Variants in SYT14 observed in about 807,000 individuals in gnomAD.
The protein encoded by SYT14 is synaptotagmin 14.
A neutral mutation model predicts 74.2 loss-of-function variants in SYT14; 32 were observed. That is an observed-to-expected ratio of 0.43 (90% confidence interval 0.33 to 0.58). The LOEUF is 0.58. SYT14 is among the 20% of genes least tolerant of loss of function. The pLI is 0.05. For missense variants in SYT14, 791 were observed against 981.8 expected (o/e 0.81, Z 2.60); for synonymous variants, 298 against 337.7 (o/e 0.88, Z 1.29).
At chr1:210,056,321 C>G (rs1343302968) in intron 5 of SYT14, among the ~76,000 whole-genome samples, 1 of 151,756 alleles carries the variant, frequency 6.6e-6, no homozygotes, top group African/African-American at 2.4e-5. Flanking sequence ...CCTCACCCCC[C>G]ACCAAAAAAA....
intron 5 of SYT14, among the ~76,000 whole-genome samples, chr1:210,068,139 A>G (rs1202303256): frequency 2.0e-5 from 3 of 151,874 alleles, no homozygotes; most frequent in Non-Finnish European, 4.4e-5. Flanking sequence ...CTAAAATGAT[A>G]ATCATTAATT....
chr1:210,065,264 G>A (rs777685088), intron 5 of SYT14, among the ~76,000 whole-genome samples: 3 of 152,064 alleles, frequency 2.0e-5, no homozygotes, highest in Non-Finnish European at 2.9e-5. Context: ...ATCCCCACAT[G>A]TCATGGGAGG....
chr1:210,068,762 G>A (rs1458497657), intron 5 of SYT14, among the ~76,000 whole-genome samples: 1 of 151,128 alleles, frequency 6.6e-6, no homozygotes, highest in Non-Finnish European at 1.5e-5. Flanking sequence ...GAAACATTTT[G>A]GTTTTGTTAA....
chr1:210,079,260 T>C (rs546531154), intron 5 of SYT14, among the ~76,000 whole-genome samples: 1 of 152,244 alleles, frequency 6.6e-6, no homozygotes, highest in Non-Finnish European at 1.5e-5. Flanking sequence ...TAGGGTACTA[T>C]GTTCACTATT....
In SYT14 at chr1:210,171,230, TAAC is replaced by T. The variant is rs373591810; in HGVS notation, c.*10191_*10193del. The T allele has an allele frequency of 2.0e-4, 31 of 152,314 alleles. No individual in the cohort carries two copies. The East Asian group carries it at 4.4e-3, about 22-fold the overall frequency. The allele number at this position is 152,314 out of a possible 1,614,324, so 9.4% of individuals were successfully genotyped here. ...CAACAAAGATTTATAACAACAGACT[TAAC>T]AAGTACTATTTTGCATATGAAAAAG... On this transcript the variant is annotated 3_prime_UTR_variant, in exon 10 of 10. Transcript: ENST00000637265.
intron 7 of SYT14, among the ~76,000 whole-genome samples, chr1:210,154,595 G>A (rs12130989): frequency 0.13 from 19,389 of 151,480 alleles, 1,599 homozygotes; most frequent in East Asian, 0.2. Context: ...ATTGTTATTC[G>A]TCCCTTTTTT....
At chr1:210,073,652 T>C (rs1279306868) in intron 5 of SYT14, among the ~76,000 whole-genome samples, 2 of 152,112 alleles carry the variant, frequency 1.3e-5, no homozygotes, top group African/African-American at 2.4e-5. Context: ...ATAGTCCATG[T>C]ATGTTTTACA....
chr1:210,116,830 T>C (rs1009298850), intron 7 of SYT14, among the ~76,000 whole-genome samples: 6 of 152,206 alleles, frequency 3.9e-5, no homozygotes, highest in African/African-American at 1.2e-4. Context: ...TGAACACTTA[T>C]TAAATTTATT....
exon 7 of SYT14, chr1:210,100,457 A>G: frequency 5.0e-6 from 8 of 1,612,602 alleles, no homozygotes; most frequent in Middle Eastern, 1.7e-4. Context: ...TCTTACAATC[A>G]TTCTGTGAGT....
chr1:210,165,355 TTTC>T (rs1487833443), exon 10 of SYT14: 1 of 152,174 alleles, frequency 6.6e-6, no homozygotes, highest in Non-Finnish European at 1.5e-5. Context: ...AGAAATTTTT[TTTC>T]TTCTCAGGAC....
At chr1:210,078,116 C>T (rs1413017593) in intron 5 of SYT14, among the ~76,000 whole-genome samples, 2 of 151,874 alleles carry the variant, frequency 1.3e-5, no homozygotes, top group Non-Finnish European at 2.9e-5. Flanking sequence ...CGAGACCATC[C>T]TGGCTAACAC....
exon 10 of SYT14, chr1:210,169,091 C>CT (rs1366496394): frequency 4.0e-5 from 6 of 151,896 alleles, no homozygotes; most frequent in Non-Finnish European, 5.9e-5. Context: ...AGGAAGCCTT[C>CT]TTTTAAAAAC....
At position 209,940,284 on chromosome 1, in the gene SYT14, G is replaced by A. The variant is rs1262459454; in HGVS notation, c.-534+2007G>A. Among the ~76,000 whole-genome samples, 7 of 152,156 alleles carry A rather than the reference G, an allele frequency of 4.6e-5. No individual in the cohort carries two copies. The South Asian group carries it at 1.2e-3, about 27-fold the overall frequency. ...TACTAAGGACATCTTAAAAATTTAG[G>A]GGCCCAAAAGGGCGTCTCATCTTTT... On this transcript the variant is annotated intron_variant, in intron 1 of 9. Transcript: ENST00000637265.
intron 5 of SYT14, among the ~76,000 whole-genome samples, chr1:210,078,470 T>A (rs2081555204): frequency 6.6e-6 from 1 of 152,078 alleles, no homozygotes; most frequent in South Asian, 2.1e-4. Flanking sequence ...TGACAAATAT[T>A]TAGGAAAAAC....
rs148568364 is a variant in SYT14, at chr1:210,049,057, C to T, written c.1312+27803C>T. ...TGGGTTCCTGTGGTTTTGGGCATCT[C>T]CGCCCCTGTGGCTCTGCAGGGTACA... On this transcript the variant is annotated intron_variant, in intron 5 of 9. Transcript: ENST00000637265. 2.4e-3 allele frequency among the ~76,000 whole-genome samples: 372 copies of T among 152,364 alleles called. 1 individual carries two copies. Among genetic ancestry groups the T allele is most frequent in the African/African-American group, 5.4e-3 (226 of 41,588 alleles).
chr1:210,030,937 G>C (rs963749057), intron 5 of SYT14, among the ~76,000 whole-genome samples: 1 of 151,082 alleles, frequency 6.6e-6, no homozygotes, highest in African/African-American at 2.4e-5. Flanking sequence ...GTTTTGTTTT[G>C]TTTTGTTGAG....
At chr1:209,987,484 G>C (rs533547673) in intron 2 of SYT14, among the ~76,000 whole-genome samples, 1 of 152,188 alleles carries the variant, frequency 6.6e-6, no homozygotes, top group African/African-American at 2.4e-5. Flanking sequence ...GAGAATGTGG[G>C]TGAGGTGCTA....
exon 10 of SYT14, chr1:210,164,213 T>C (rs1558235769): frequency 3.1e-6 from 1 of 325,508 alleles, no homozygotes; most frequent in Non-Finnish European, 6.1e-6. Flanking sequence ...ATTTGCATAT[T>C]ATCTTACTGT....
chr1:209,958,220 A>G (rs765681818), intron 2 of SYT14, among the ~76,000 whole-genome samples: 1 of 152,140 alleles, frequency 6.6e-6, no homozygotes, highest in Non-Finnish European at 1.5e-5. Flanking sequence ...TCAAGTTTTT[A>G]TCAAGTTGGT....
Sources: allele counts gnomAD v4.1 joint callset (sites outside exome capture counted in the v4.1 genomes callset), GRCh38; gene constraint gnomAD v4.1.1; transcripts MANE v1.5; gene names NCBI Gene and HGNC (gene_info 2026-07-23, HGNC 2026-07-21).